PTPRF: variants seen among roughly 807,000 people sequenced by gnomAD.
The protein encoded by PTPRF is receptor-type tyrosine-protein phosphatase F.
PTPRF carries 59 observed loss-of-function variants against 201.8 expected under a neutral mutation model. That is an observed-to-expected ratio of 0.29 (90% CI 0.24 to 0.36). PTPRF has a LOEUF of 0.36. Among genes scored for constraint, PTPRF ranks in the 10% least tolerant of loss-of-function variants. PTPRF has a pLI of 1.00. For missense variants in PTPRF, 2,132 were observed against 2,690.5 expected (o/e 0.79, Z 4.59); for synonymous variants, 1,088 against 1,089.7 (o/e 1.00, Z 0.03).
intron 7 of PTPRF, chr1:43,583,038 A>C: frequency 1.0e-6 from 1 of 981,186 alleles, no homozygotes; most frequent in Non-Finnish European, 1.2e-6. Context: ...TTCCCTCCTC[A>C]TCTTCATCGC....
In PTPRF at chr1:43,598,757, A is replaced by G; in HGVS notation, c.2157A>G (p.Pro719=). The change falls in exon 13 of 34, where the codon CCA becomes CCG. Residue 719 remains proline (P), a synonymous_variant. Coordinates refer to ENST00000359947, the MANE Select transcript of PTPRF (RefSeq NM_002840.5). ...CTCCGCGGAAGGTGGAGGTGGAGCC[A>G]CTGAACTCCACTGCTGTGCATGTCT... The part of the protein sequence containing the change: ...SGPPRKVEVE[P]LNSTAVHVYW... 1.9e-6 allele frequency: 3 copies of G among 1,614,004 alleles called. No individual in the cohort carries two copies. The highest frequency in any genetic ancestry group is 2.5e-6 in the Non-Finnish European group (3 of 1,179,898).
In PTPRF at chr1:43,609,441, T is replaced by C; in HGVS notation, c.3916T>C (p.Leu1306=). 1.2e-6 allele frequency: 2 copies of C among 1,614,098 alleles called. No homozygotes were observed. The highest frequency in any genetic ancestry group is 1.7e-6 in the Non-Finnish European group (2 of 1,179,978). ...DEQSIGLKDS[L]LAHSSDPVEM... ...GCAGTCGATCGGACTGAAGGACTCC[T>C]TGCTGGCCCACTCCTCTGACCCTGT... is the stretch of plus-strand genomic sequence containing the variant. Residue 1306 remains leucine, a synonymous_variant, in exon 22 of 34, where the codon TTG becomes CTG. Transcript: ENST00000359947.
intron 31 of PTPRF, 65 bp downstream of exon 31, chr1:43,620,644 G>T: frequency 6.3e-7 from 1 of 1,584,064 alleles, no homozygotes; most frequent in South Asian, 1.2e-5. Context: ...ATGGCTGCCT[G>T]CATGGTACCT....
chr1:43,621,681 C>T (rs576824829), intron 33 of PTPRF, among the ~76,000 whole-genome samples: 2 of 152,274 alleles, frequency 1.3e-5, no homozygotes, highest in Non-Finnish European at 2.9e-5. Context: ...GGTGCCCAGT[C>T]AGGAGCAGAG....
At chr1:43,612,196 G>C (rs533356230) in intron 22 of PTPRF, among the ~76,000 whole-genome samples, 1 of 152,246 alleles carries the variant, frequency 6.6e-6, no homozygotes, top group African/African-American at 2.4e-5. Context: ...TGGGAGGACC[G>C]TTGGCTTTGG....
chr1:43,609,388 G>A lies in PTPRF; in HGVS notation c.3863G>A (p.Arg1288Lys). The change falls in exon 22 of 34, where the codon AGG becomes AAG. Residue 1288 changes from arginine (R) to lysine (K), a missense_variant. Around this residue, in one of 6 missense-constraint regions of PTPRF, gnomAD observed 818 missense variants for 915.3 expected, o/e 0.89. Coordinates refer to ENST00000359947, the MANE Select transcript of PTPRF (RefSeq NM_002840.5). The part of the protein sequence containing the change: ...VIAILLFKRK[R>K]THSPSSKDEQ... ...CCTCCCTTCTGTCTCTCTAGGAAAA[G>A]GACCCACTCTCCGTCCTCTAAGGAT... The A allele has an allele frequency of 1.2e-6, 2 of 1,613,828 alleles. No homozygotes were observed. The highest frequency in any genetic ancestry group is 1.7e-6 in the Non-Finnish European group (2 of 1,179,834).
At chr1:43,535,117 G>A (rs1417944385) in intron 1 of PTPRF, among the ~76,000 whole-genome samples, 1 of 152,110 alleles carries the variant, frequency 6.6e-6, no homozygotes, top group East Asian at 1.9e-4. Context: ...GACTGCTAAG[G>A]TTAGGGTCCC....
chr1:43,621,928 C>T lies in PTPRF; in HGVS notation c.5656-7C>T. On this transcript the variant is annotated splice_polypyrimidine_tract_variant and splice_region_variant and intron_variant, in intron 33 of 33. Transcript: ENST00000359947. ...GACCCACACTGACCAGCCCCCTATC[C>T]TGGCAGGACCAGTATCAGCTGTGCT... The T allele has an allele frequency of 6.2e-7, 1 of 1,614,118 alleles. No individual in the cohort carries two copies. Among genetic ancestry groups the T allele is most frequent in the Non-Finnish European group, 8.5e-7 (1 of 1,179,980 alleles).
chr1:43,617,933 A>G, intron 25 of PTPRF, 22 bp downstream of exon 25: 1 of 1,590,130 alleles, frequency 6.3e-7, no homozygotes, highest in Non-Finnish European at 8.6e-7. Context: ...GGGCCCTGCC[A>G]GGAGGCGGGT....
chr1:43,533,731 C>A (rs1643841605), intron 1 of PTPRF, among the ~76,000 whole-genome samples: 2 of 152,186 alleles, frequency 1.3e-5, no homozygotes, highest in Admixed American at 1.3e-4. Flanking sequence ...ACTGACACTG[C>A]TGTGTGCTTG....
At chr1:43,591,738 C>T (rs1182719735) in intron 9 of PTPRF, 74 bp from the exon 10 acceptor site, 2 of 1,574,264 alleles carry the variant, frequency 1.3e-6, no homozygotes, top group Non-Finnish European at 8.6e-7. Context: ...ACCTGACTTC[C>T]TCGGCTCCCT....
chr1:43,547,849 C>G (rs1285231103), intron 3 of PTPRF, among the ~76,000 whole-genome samples: 1 of 152,212 alleles, frequency 6.6e-6, no homozygotes, highest in Non-Finnish European at 1.5e-5. Flanking sequence ...CGCAGCTTCC[C>G]CAGCCAGGCT....
chr1:43,603,288 C>T lies in PTPRF; in HGVS notation c.2341-128C>T. 1 of 805,850 alleles carries T rather than the reference C, an allele frequency of 1.2e-6. No individual in the cohort carries two copies. The highest frequency in any genetic ancestry group is 1.6e-5 in the South Asian group (1 of 63,792). The allele number at this position is 805,850 out of a possible 1,614,324, so 49.9% of individuals were successfully genotyped here. A position where few individuals can be genotyped will look rare whatever the true frequency, so the allele number is the denominator to read the frequency against. On this transcript the variant is annotated intron_variant, in intron 14 of 33. Transcript: ENST00000359947. The surrounding 1 kb of genome is among the most constrained non-coding windows in gnomAD (Gnocchi z 5.8). Reference sequence around the variant, plus strand: ...CAGCAGAGGCCACCATTGTATAGCCCCACCTTCCACAACCCCTGGCCTTGT... The same window carrying T: ...CAGCAGAGGCCACCATTGTATAGCCTCACCTTCCACAACCCCTGGCCTTGT...
At chr1:43,616,957 G>A (rs1021540101) in intron 23 of PTPRF, among the ~76,000 whole-genome samples, 1 of 152,148 alleles carries the variant, frequency 6.6e-6, no homozygotes, top group Non-Finnish European at 1.5e-5. Context: ...CAGAGAAGGA[G>A]CAGCTGAAAG....
At chr1:43,534,240 C>G (rs1643875524) in intron 1 of PTPRF, among the ~76,000 whole-genome samples, 1 of 152,174 alleles carries the variant, frequency 6.6e-6, no homozygotes, top group Admixed American at 6.5e-5. Context: ...TGTTAAGTAC[C>G]TGTAATTTTA....
chr1:43,590,862 C>T (rs1249822898), intron 8 of PTPRF, 110 bp from the exon 9 acceptor site: 1 of 1,019,938 alleles, frequency 9.8e-7, no homozygotes, highest in Non-Finnish European at 1.4e-6. Context: ...CTGTGGGTAT[C>T]AGCCACACTC....
intron 3 of PTPRF, among the ~76,000 whole-genome samples, chr1:43,549,104 G>A (rs1437871989): frequency 2.0e-5 from 3 of 152,220 alleles, no homozygotes; most frequent in African/African-American, 7.2e-5. Context: ...CCCGACCACT[G>A]TGTGTGTCAG....
chr1:43,543,615 T>A (rs1644483581), intron 2 of PTPRF, among the ~76,000 whole-genome samples: 5 of 152,214 alleles, frequency 3.3e-5, no homozygotes, highest in Non-Finnish European at 1.5e-5. Flanking sequence ...TGCTGCCTTC[T>A]GACCTCATGA....
At chr1:43,579,411 G>T in intron 7 of PTPRF, 1 of 357,998 alleles carries the variant, frequency 2.8e-6, no homozygotes, top group Non-Finnish European at 5.5e-6. Flanking sequence ...ACCAGGCCAG[G>T]TGAGCCTATC....
Sources: allele counts gnomAD v4.1 joint callset (sites outside exome capture counted in the v4.1 genomes callset), GRCh38; gene constraint gnomAD v4.1.1; regional missense constraint gnomAD v4.1.1; non-coding constraint Gnocchi (gnomAD v3.1); transcripts MANE v1.5; gene names NCBI Gene and HGNC (gene_info 2026-07-23, HGNC 2026-07-21).